Variants in TBC1D5 observed in about 807,000 individuals in gnomAD.
TBC1D5 encodes the protein TBC1 domain family, member 5.
TBC1D5 carries 75 observed loss-of-function variants against 100.3 expected under a neutral mutation model. That is an observed-to-expected ratio of 0.75 (90% CI 0.62 to 0.91). The LOEUF (loss-of-function observed/expected upper bound fraction) is 0.91. TBC1D5 is among the 40% of genes least tolerant of loss of function. The pLI is 0.00. For missense variants in TBC1D5, 910 were observed against 942.4 expected, an observed-to-expected ratio of 0.97 and a Z score of 0.45; for synonymous variants, 323 against 325.6, an observed-to-expected ratio of 0.99 and a Z score of 0.09.
intron 3 of TBC1D5, among the ~76,000 whole-genome samples, chr3:17,444,475 G>A (rs2094738399): frequency 6.6e-6 from 1 of 151,956 alleles, no homozygotes; most frequent in Admixed American, 6.6e-5. Flanking sequence ...ATCAATGTAT[G>A]TCCTATAATT....
Position 17,638,053 on chromosome 3 carries a change from T to C in TBC1D5, c.-100-14140A>G, listed in dbSNP as rs190232837. Among the ~76,000 whole-genome samples the C allele has an allele frequency of 3.9e-5, 6 of 152,300 alleles. No individual in the cohort carries two copies. In the East Asian group the frequency reaches 1.2e-3, roughly 29 times the overall value. ...AAATGATGCCATATTGCCACAATTA[T>C]TGACAATAATTGTGAAGTACTTTTT... On this transcript the variant is annotated intron_variant, in intron 1 of 21. Transcript: ENST00000253692.
At chr3:17,445,757 T>A (rs1273460804) in intron 3 of TBC1D5, among the ~76,000 whole-genome samples, 1 of 152,248 alleles carries the variant, frequency 6.6e-6, no homozygotes, top group East Asian at 1.9e-4. Flanking sequence ...ATCATAGGTA[T>A]GTACGTATAG....
At chr3:17,389,211 T>A (rs2093273545) in intron 8 of TBC1D5, among the ~76,000 whole-genome samples, 1 of 152,126 alleles carries the variant, frequency 6.6e-6, no homozygotes, top group African/African-American at 2.4e-5. Context: ...GATTCTCCTG[T>A]CCCCTGTATT....
At chr3:17,647,404 C>T (rs1284169020) in intron 1 of TBC1D5, among the ~76,000 whole-genome samples, 1 of 152,088 alleles carries the variant, frequency 6.6e-6, no homozygotes, top group Non-Finnish European at 1.5e-5. Flanking sequence ...AAGCAAGCTA[C>T]AGGGAATAAG....
intron 1 of TBC1D5, among the ~76,000 whole-genome samples, chr3:17,632,970 C>T (rs1466974310): frequency 6.6e-6 from 1 of 152,050 alleles, no homozygotes; most frequent in Non-Finnish European, 1.5e-5. Flanking sequence ...TTTTCCCCAA[C>T]AATTATAACT....
intron 13 of TBC1D5, among the ~76,000 whole-genome samples, chr3:17,324,026 G>A (rs1165329666): frequency 6.6e-6 from 1 of 152,092 alleles, no homozygotes; most frequent in Non-Finnish European, 1.5e-5. Context: ...AAACATTTAT[G>A]GTCAATTGAT....
At chr3:17,309,550 C>A (rs1470789572) in intron 13 of TBC1D5, among the ~76,000 whole-genome samples, 2 of 151,708 alleles carry the variant, frequency 1.3e-5, no homozygotes. Context: ...TTATAATTTT[C>A]AATTTTTACT....
intron 18 of TBC1D5, among the ~76,000 whole-genome samples, chr3:17,206,339 A>G (rs1310630089): frequency 6.6e-6 from 1 of 152,024 alleles, no homozygotes; most frequent in African/African-American, 2.4e-5. Flanking sequence ...CCCCCTTCCA[A>G]TTTCACTCTA....
chr3:17,606,209 G>A (rs567778271), intron 2 of TBC1D5, among the ~76,000 whole-genome samples: 64 of 152,320 alleles, frequency 4.2e-4, no homozygotes, highest in African/African-American at 1.4e-3. Flanking sequence ...GGGAAGCCAA[G>A]GAGGGAGGAT....
intron 1 of TBC1D5, among the ~76,000 whole-genome samples, chr3:17,707,007 TTTAAA>T (rs1386851876): frequency 6.6e-6 from 1 of 152,120 alleles, no homozygotes; most frequent in African/African-American, 2.4e-5. Flanking sequence ...AATTTTCAAA[TTTAAA>T]TTAGTGGACT....
At chr3:17,241,305 C>T (rs1416179192) in intron 16 of TBC1D5, among the ~76,000 whole-genome samples, 3 of 152,162 alleles carry the variant, frequency 2.0e-5, no homozygotes, top group East Asian at 3.9e-4. Flanking sequence ...TTAAGTCATG[C>T]GTGCTAAATT....
intron 13 of TBC1D5, among the ~76,000 whole-genome samples, chr3:17,350,171 C>T (rs1455524291): frequency 6.6e-6 from 1 of 151,934 alleles, no homozygotes; most frequent in African/African-American, 2.4e-5. Flanking sequence ...TTAGCATGCT[C>T]ACACTGGTGG....
At position 17,173,067 on chromosome 3, in the gene TBC1D5, G is replaced by A. The variant is rs116582053; in HGVS notation, c.1853-5239C>T. ...CACCTAAGCCCACTATGGAAGCTCC[G>A]CACCCAGTCGTTTCATTTGTACGTG... On this transcript the variant is annotated intron_variant, in intron 19 of 21. Transcript: ENST00000253692. Among the ~76,000 whole-genome samples, 895 of 152,224 alleles carry A rather than the reference G, an allele frequency of 5.9e-3. 9 individuals carry two copies. The highest frequency in any genetic ancestry group is 0.02 in the African/African-American group (849 of 41,544).
At position 17,290,080 on chromosome 3, in the gene TBC1D5, T is replaced by G. The variant is rs551611958; in HGVS notation, c.1245+1815A>C. ...CCTTTTAAATATGACTCCCTCATCA[T>G]GCCCAATTTATTATGTCCCAGGAAT... On this transcript the variant is annotated intron_variant, in intron 15 of 21. Transcript: ENST00000253692. Among the ~76,000 whole-genome samples, 3 of 152,344 alleles carry G rather than the reference T, an allele frequency of 2.0e-5. No homozygotes were observed. In the East Asian group the frequency reaches 5.8e-4, roughly 29 times the overall value.
At chr3:17,190,281 G>A in intron 18 of TBC1D5, among the ~76,000 whole-genome samples, 1 of 152,192 alleles carries the variant, frequency 6.6e-6, no homozygotes, top group Non-Finnish European at 1.5e-5. Context: ...AGAAAGCCAA[G>A]AGAGGTACAA....
chr3:17,696,523 A>G (rs1329085022), intron 1 of TBC1D5, among the ~76,000 whole-genome samples: 1 of 152,226 alleles, frequency 6.6e-6, no homozygotes, highest in Non-Finnish European at 1.5e-5. Context: ...ATTCCTGGAT[A>G]CATACAAGAC....
chr3:17,336,769 T>A (rs2087890057), intron 13 of TBC1D5, among the ~76,000 whole-genome samples: 1 of 152,014 alleles, frequency 6.6e-6, no homozygotes, highest in African/African-American at 2.4e-5. Flanking sequence ...CCAAATCTAT[T>A]TTAGTAAAGA....
At chr3:17,625,238 A>C (rs2062956283) in intron 1 of TBC1D5, among the ~76,000 whole-genome samples, 2 of 152,054 alleles carry the variant, frequency 1.3e-5, no homozygotes, top group Admixed American at 6.6e-5. Flanking sequence ...AAGGGAAATG[A>C]AAAAACAAAG....
chr3:17,726,825 G>A (rs1168576388), intron 1 of TBC1D5, among the ~76,000 whole-genome samples: 2 of 152,052 alleles, frequency 1.3e-5, no homozygotes, highest in African/African-American at 4.8e-5. Context: ...TATTTCAAAA[G>A]GTTTCATATT....
Sources: allele counts gnomAD v4.1 joint callset (sites outside exome capture counted in the v4.1 genomes callset), GRCh38; gene constraint gnomAD v4.1.1; transcripts MANE v1.5; gene names NCBI Gene and HGNC (gene_info 2026-07-23, HGNC 2026-07-21).